TENM4: variants seen among roughly 807,000 people sequenced by gnomAD.
The protein encoded by TENM4 is teneurin transmembrane protein 4, also known as teneurin-4.
TENM4 carries 82 observed loss-of-function variants against 243.3 expected under a neutral mutation model. That is an observed-to-expected ratio of 0.34 (90% CI 0.28 to 0.40). TENM4 has a LOEUF of 0.40. Ranked by LOEUF, TENM4 falls within the 10% of genes least tolerant of loss-of-function variation. The pLI is 1.00. For missense variants in TENM4, 3,138 were observed against 3,673.3 expected (o/e 0.85, Z 3.77); for synonymous variants, 1,412 against 1,456.3 (o/e 0.97, Z 0.69).
At chr11:79,417,605 T>C (rs893479598) in intron 1 of TENM4, among the ~76,000 whole-genome samples, 2 of 152,202 alleles carry the variant, frequency 1.3e-5, no homozygotes, top group Non-Finnish European at 2.9e-5. Flanking sequence ...AGAATTACAT[T>C]GTCCTTTGAA....
At chr11:79,428,714 C>T (rs1419498973) in intron 1 of TENM4, among the ~76,000 whole-genome samples, 1 of 152,176 alleles carries the variant, frequency 6.6e-6, no homozygotes, top group Non-Finnish European at 1.5e-5. Flanking sequence ...CCCAAATGCC[C>T]CAGTTTGCCA....
intron 2 of TENM4, among the ~76,000 whole-genome samples, chr11:79,239,450 T>C (rs563412200): frequency 6.6e-6 from 1 of 152,224 alleles, no homozygotes; most frequent in South Asian, 2.1e-4. Context: ...ATTTTATAGA[T>C]GAGATGAACT....
At chr11:79,136,439 A>G (rs1241140801) in intron 4 of TENM4, among the ~76,000 whole-genome samples, 6 of 152,138 alleles carry the variant, frequency 3.9e-5, no homozygotes. Context: ...GATGGAGGTT[A>G]TGCATGAGCT....
chr11:78,772,143 T>G (rs1856658870), intron 17 of TENM4, among the ~76,000 whole-genome samples: 1 of 152,210 alleles, frequency 6.6e-6, no homozygotes, highest in Admixed American at 6.5e-5. Context: ...AGATGCTGTG[T>G]TCGTTCTGCT....
rs532130452 is a variant in TENM4, at chr11:78,760,496, C to T, written c.2540-3475G>A. On this transcript the variant is annotated intron_variant, in intron 18 of 33. Transcript: ENST00000278550. ...TCACCAATCTGTCTCTACAGCCAAG[C>T]GTGAAGCACAAAACTTCCCTTGGAT... Among the ~76,000 whole-genome samples, 12 of 152,298 alleles carry T rather than the reference C, an allele frequency of 7.9e-5. No individual in the cohort carries two copies. The East Asian group carries it at 1.2e-3, about 15-fold the overall frequency.
At chr11:78,666,886 T>C (rs1858170908) in intron 32 of TENM4, among the ~76,000 whole-genome samples, 1 of 152,168 alleles carries the variant, frequency 6.6e-6, no homozygotes, top group African/African-American at 2.4e-5. Flanking sequence ...AAGGAGACCA[T>C]ATGTATATGG....
intron 12 of TENM4, among the ~76,000 whole-genome samples, chr11:78,833,694 C>G (rs766641891): frequency 1.3e-5 from 2 of 152,212 alleles, no homozygotes; most frequent in East Asian, 3.8e-4. Context: ...CCTTGGCTTA[C>G]TTTATCATGT....
intron 6 of TENM4, among the ~76,000 whole-genome samples, chr11:79,044,145 G>A (rs2136913069): frequency 6.6e-6 from 1 of 152,272 alleles, no homozygotes; most frequent in East Asian, 1.9e-4. Flanking sequence ...CCAAATATAT[G>A]TTTACATGTG....
rs372874531 is a variant in TENM4, at chr11:79,304,411, G to C, written c.-320-6868C>G. Among the ~76,000 whole-genome samples, 388 of 152,298 alleles carry C rather than the reference G, an allele frequency of 2.5e-3. 2 individuals carry two copies. Among genetic ancestry groups the C allele is most frequent in the African/African-American group, 8.7e-3 (362 of 41,572 alleles). On this transcript the variant is annotated intron_variant, in intron 1 of 33. Transcript: ENST00000278550. ...AGCTGAGTTGCTTGCATTGCCACTG[G>C]ATGTCTGAGTAAAGATGAGCTCTCC...
intron 20 of TENM4, among the ~76,000 whole-genome samples, chr11:78,736,638 G>A (rs1855804523): frequency 6.6e-6 from 1 of 152,122 alleles, no homozygotes; most frequent in Non-Finnish European, 1.5e-5. Flanking sequence ...TTTTTCGTAA[G>A]GTACGGGAGG....
chr11:79,012,030 AC>A (rs1858656610), intron 6 of TENM4, among the ~76,000 whole-genome samples: 1 of 152,132 alleles, frequency 6.6e-6, no homozygotes, highest in South Asian at 2.1e-4. Flanking sequence ...GCCTGCTAGA[AC>A]CCTTGGGACA....
intron 3 of TENM4, among the ~76,000 whole-genome samples, chr11:79,176,563 G>A (rs372431862): frequency 2.6e-5 from 4 of 151,972 alleles, no homozygotes; most frequent in Non-Finnish European, 5.9e-5. Context: ...TATTTAAAAG[G>A]CATTCTTTCT....
chr11:79,261,633 C>T (rs1462428283), intron 2 of TENM4, among the ~76,000 whole-genome samples: 1 of 151,714 alleles, frequency 6.6e-6, no homozygotes, highest in Non-Finnish European at 1.5e-5. Flanking sequence ...TGGGAATATA[C>T]AGAGAGAGAG....
chr11:78,677,059 G>C (rs1183534558), intron 29 of TENM4, among the ~76,000 whole-genome samples: 1 of 152,164 alleles, frequency 6.6e-6, no homozygotes, highest in Non-Finnish European at 1.5e-5. Context: ...TCGGATCATA[G>C]TGATGATTGC....
intron 3 of TENM4, among the ~76,000 whole-genome samples, chr11:79,155,612 C>G (rs1487375696): frequency 2.4e-5 from 3 of 123,468 alleles, no homozygotes; most frequent in Non-Finnish European, 5.2e-5. Context: ...GTCCGCCTTT[C>G]CCTCCCTCCC....
chr11:78,677,799 T>A (rs542545229), intron 29 of TENM4, among the ~76,000 whole-genome samples: 40 of 151,154 alleles, frequency 2.6e-4, no homozygotes, highest in African/African-American at 9.7e-4. Context: ...ATACTCTAAG[T>A]TTTAGGGTAC....
chr11:78,827,507 T>TTATTTATC (rs1403025836), intron 12 of TENM4, among the ~76,000 whole-genome samples: 15 of 151,594 alleles, frequency 9.9e-5, no homozygotes, highest in Middle Eastern at 6.8e-3. Context: ...ATTTATTTAT[T>TTATTTATC]TGATGGAGTT....
chr11:79,083,042 C>T (rs752764481), intron 4 of TENM4, among the ~76,000 whole-genome samples: 19 of 152,216 alleles, frequency 1.2e-4, no homozygotes, highest in African/African-American at 2.4e-4. Context: ...GAGTTCTACA[C>T]GCCTAATCAA....
rs1179650771 is a variant in TENM4 at position 78,891,311 on chromosome 11, C to G, written c.775G>C (p.Gly259Arg). The G allele has an allele frequency of 1.3e-6, 2 of 1,551,538 alleles. No homozygotes were observed. Among genetic ancestry groups the G allele is most frequent in the Non-Finnish European group, 1.7e-6 (2 of 1,146,994 alleles). Reference protein sequence around the residue: ...TRNLGKQPFLGTLQDNLIEMD... With the variant: ...TRNLGKQPFLRTLQDNLIEMD... ...TCAATGAGGTTGTCCTGCAATGTCC[C>G]TAGGAATGGCTGCTTGCCTAGGTTT... The change falls in exon 8 of 34, where the codon GGG (glycine) becomes CGG (arginine). Residue 259 changes from glycine (G) to arginine (R), a missense_variant. Coordinates refer to ENST00000278550, the MANE Select transcript of TENM4 (RefSeq NM_001098816.3).
Sources: allele counts gnomAD v4.1 joint callset (sites outside exome capture counted in the v4.1 genomes callset), GRCh38; gene constraint gnomAD v4.1.1; transcripts MANE v1.5; gene names NCBI Gene and HGNC (gene_info 2026-07-23, HGNC 2026-07-21).